NRG3: variants seen among roughly 807,000 people sequenced by gnomAD.
NRG3 encodes the protein pro-neuregulin-3, membrane-bound isoform.
NRG3 carries 31 observed loss-of-function variants against 66.9 expected under a neutral mutation model. The observed-to-expected ratio is 0.46, with a 90% CI of 0.35 to 0.63. The LOEUF is 0.63. Among genes scored for constraint, NRG3 ranks in the 20% least tolerant of loss-of-function variants. NRG3 has a pLI of 0.00. For synonymous variants in NRG3, 393 were observed against 359.4 expected, an observed-to-expected ratio of 1.09 and a Z score of -1.06; for missense variants, 910 against 878.9, an observed-to-expected ratio of 1.04 and a Z score of -0.45.
chr10:82,699,172 G>A (rs2055633712), intron 2 of NRG3, among the ~76,000 whole-genome samples: 1 of 151,962 alleles, frequency 6.6e-6, no homozygotes, highest in Non-Finnish European at 1.5e-5. Flanking sequence ...TGAAGTAATT[G>A]TCTAGCCCAG....
intron 2 of NRG3, among the ~76,000 whole-genome samples, chr10:82,689,123 T>C (rs2054729712): frequency 6.6e-6 from 1 of 152,136 alleles, no homozygotes; most frequent in Non-Finnish European, 1.5e-5. Flanking sequence ...CCTTATAAAA[T>C]TGCTGATCAA....
At chr10:82,598,144 T>A (rs575124514) in intron 2 of NRG3, among the ~76,000 whole-genome samples, 1 of 152,270 alleles carries the variant, frequency 6.6e-6, no homozygotes. Flanking sequence ...CTAGCAGAGT[T>A]TTTTTAAAAA....
At chr10:82,198,768 G>T (rs1589285022) in intron 1 of NRG3, among the ~76,000 whole-genome samples, 1 of 152,234 alleles carries the variant, frequency 6.6e-6, no homozygotes, top group Non-Finnish European at 1.5e-5. Context: ...GGAGGTCAGG[G>T]TGGGCAGATC....
chr10:82,106,794 A>G (rs1199686125), intron 1 of NRG3, among the ~76,000 whole-genome samples: 1 of 152,170 alleles, frequency 6.6e-6, no homozygotes, highest in African/African-American at 2.4e-5. Context: ...GGTGCGAGCC[A>G]CTGCACCTGG....
intron 1 of NRG3, among the ~76,000 whole-genome samples, chr10:81,939,780 C>T (rs1032325775): frequency 6.7e-6 from 1 of 149,474 alleles, no homozygotes; most frequent in Non-Finnish European, 1.5e-5. Flanking sequence ...TTTATTTCTG[C>T]TATGATCTTT....
chr10:82,474,688 A>T (rs1042450332), intron 2 of NRG3, among the ~76,000 whole-genome samples: 1 of 152,188 alleles, frequency 6.6e-6, no homozygotes, highest in African/African-American at 2.4e-5. Flanking sequence ...GGAGAGAAAG[A>T]GGAAGATATC....
Position 82,251,712 on chromosome 10 carries a change from G to A in NRG3, c.824-107027G>A, listed in dbSNP as rs144325125. 9.0e-4 allele frequency among the ~76,000 whole-genome samples: 137 copies of A among 152,272 alleles called. 1 individual carries two copies. The highest frequency in any genetic ancestry group is 1.5e-3 in the Non-Finnish European group (105 of 68,030). ...GTGCCTTTGTTTAAATCGAGAATTG[G>A]GCAAGGTAGGGATCTTCGTTAAAAA... On this transcript the variant is annotated intron_variant, in intron 1 of 8. Transcript: ENST00000372141.
chr10:82,033,894 C>A (rs1280894009), intron 1 of NRG3, among the ~76,000 whole-genome samples: 1 of 152,076 alleles, frequency 6.6e-6, no homozygotes, highest in East Asian at 1.9e-4. Context: ...TTTATTCTTG[C>A]AAAACTGCCT....
intron 1 of NRG3, among the ~76,000 whole-genome samples, chr10:82,036,016 T>C (rs1178450313): frequency 6.6e-6 from 1 of 152,082 alleles, no homozygotes; most frequent in Non-Finnish European, 1.5e-5. Flanking sequence ...CATGTGTAAA[T>C]AGCAACTACA....
intron 1 of NRG3, among the ~76,000 whole-genome samples, chr10:82,218,573 T>C (rs945105735): frequency 1.3e-5 from 2 of 152,138 alleles, no homozygotes; most frequent in Admixed American, 1.3e-4. Context: ...GCTACTCTCA[T>C]TCAAGACACT....
chr10:82,573,889 T>C (rs2133143077), intron 2 of NRG3, among the ~76,000 whole-genome samples: 1 of 151,876 alleles, frequency 6.6e-6, no homozygotes, highest in South Asian at 2.1e-4. Flanking sequence ...TTATGAAATA[T>C]GATAGGTTTG....
intron 1 of NRG3, among the ~76,000 whole-genome samples, chr10:81,930,555 T>G (rs1031494351): frequency 2.0e-5 from 3 of 151,262 alleles, no homozygotes; most frequent in Non-Finnish European, 4.4e-5. Context: ...AAAAACTTGG[T>G]TCATTTGCCT....
intron 2 of NRG3, among the ~76,000 whole-genome samples, chr10:82,388,894 G>A (rs146256849): frequency 9.7e-4 from 148 of 152,044 alleles, no homozygotes; most frequent in Non-Finnish European, 1.6e-3. Flanking sequence ...AAATATTTTC[G>A]AATTCTATCC....
intron 1 of NRG3, among the ~76,000 whole-genome samples, chr10:81,957,147 T>C (rs995907632): frequency 1.3e-5 from 2 of 152,096 alleles, no homozygotes; most frequent in African/African-American, 4.8e-5. Context: ...CCCTAGGTGA[T>C]GGCAAAACTT....
At chr10:82,038,839 C>T (rs1302101309) in intron 1 of NRG3, among the ~76,000 whole-genome samples, 1 of 152,060 alleles carries the variant, frequency 6.6e-6, no homozygotes, top group African/African-American at 2.4e-5. Flanking sequence ...TTTCTGTCAT[C>T]CTCTTTTCCA....
At chr10:82,559,927 A>C (rs888669758) in intron 2 of NRG3, among the ~76,000 whole-genome samples, 1 of 152,046 alleles carries the variant, frequency 6.6e-6, no homozygotes, top group Non-Finnish European at 1.5e-5. Flanking sequence ...TAAATAAAAA[A>C]TTTACAAGTT....
intron 2 of NRG3, among the ~76,000 whole-genome samples, chr10:82,498,939 C>T (rs367921753): frequency 1.3e-5 from 2 of 152,072 alleles, no homozygotes; most frequent in Admixed American, 6.6e-5. Flanking sequence ...GTTTGGGAAG[C>T]TTGTAGACTC....
chr10:82,369,680 T>A (rs1257214861), intron 2 of NRG3, among the ~76,000 whole-genome samples: 1 of 138,986 alleles, frequency 7.2e-6, no homozygotes, highest in Non-Finnish European at 1.5e-5. Context: ...GGATGTTCCA[T>A]GATGAGTATG....
At chr10:82,925,655 T>C (rs1282704527) in intron 4 of NRG3, among the ~76,000 whole-genome samples, 1 of 152,222 alleles carries the variant, frequency 6.6e-6, no homozygotes, top group Non-Finnish European at 1.5e-5. Context: ...TATTTTTTAA[T>C]CAATCTACGT....
Sources: allele counts gnomAD v4.1 joint callset (sites outside exome capture counted in the v4.1 genomes callset), GRCh38; gene constraint gnomAD v4.1.1; transcripts MANE v1.5; gene names NCBI Gene and HGNC (gene_info 2026-07-23, HGNC 2026-07-21).